Variants in TMCC1 observed in about 807,000 individuals in gnomAD.
TMCC1 encodes the protein transmembrane and coiled-coil domain family 1, also known as transmembrane and coiled-coil domains protein 1.
A neutral mutation model predicts 52.4 loss-of-function variants in TMCC1; 15 were observed. The ratio of observed to expected loss-of-function variants is 0.29; its 90% CI spans 0.19 to 0.44. The LOEUF is 0.44. Among genes scored for constraint, TMCC1 ranks in the 20% least tolerant of loss-of-function variants. The pLI is 1.00. For synonymous variants in TMCC1, 279 were observed against 301.9 expected (o/e 0.92, Z 0.79); for missense variants, 503 against 806.0 (o/e 0.62, Z 4.55).
At chr3:129,673,724 G>A (rs2088156857) in intron 4 of TMCC1, among the ~76,000 whole-genome samples, 1 of 152,114 alleles carries the variant, frequency 6.6e-6, no homozygotes, top group African/African-American at 2.4e-5. Context: ...GGTGGCACAT[G>A]CCTGGAGTCC....
chr3:129,782,243 C>A (rs2055593519), intron 4 of TMCC1, among the ~76,000 whole-genome samples: 3 of 151,858 alleles, frequency 2.0e-5, no homozygotes. Flanking sequence ...GATAAAATCA[C>A]CAAGAAAGCC....
chr3:129,772,159 G>A (rs1268690989), intron 4 of TMCC1, among the ~76,000 whole-genome samples: 1 of 152,084 alleles, frequency 6.6e-6, no homozygotes, highest in Non-Finnish European at 1.5e-5. Context: ...AGGAGTTTGA[G>A]ATCATCCTGG....
At chr3:129,892,093 A>T (rs1212495985) in intron 1 of TMCC1, among the ~76,000 whole-genome samples, 1 of 152,238 alleles carries the variant, frequency 6.6e-6, no homozygotes, top group Non-Finnish European at 1.5e-5. Flanking sequence ...TATACACAGT[A>T]CACAGCACCT....
chr3:129,737,747 T>G (rs1017370619), intron 4 of TMCC1, among the ~76,000 whole-genome samples: 1 of 152,118 alleles, frequency 6.6e-6, no homozygotes. Context: ...TCTCCAAAAT[T>G]TAAAGCCATT....
At chr3:129,746,302 T>C (rs1213936980) in intron 4 of TMCC1, among the ~76,000 whole-genome samples, 1 of 151,560 alleles carries the variant, frequency 6.6e-6, no homozygotes, top group Non-Finnish European at 1.5e-5. Context: ...TCCTGAGTAG[T>C]TGGGACTACA....
intron 1 of TMCC1, among the ~76,000 whole-genome samples, chr3:129,890,995 A>G (rs1453672374): frequency 6.6e-6 from 1 of 152,222 alleles, no homozygotes; most frequent in African/African-American, 2.4e-5. Flanking sequence ...AAAGACATAA[A>G]ATGTATTTAC....
At chr3:129,881,138 A>T (rs1243219058) in intron 1 of TMCC1, among the ~76,000 whole-genome samples, 1 of 152,194 alleles carries the variant, frequency 6.6e-6, no homozygotes, top group Non-Finnish European at 1.5e-5. Context: ...CTGGGATTAC[A>T]GGTGTGAGCC....
intron 4 of TMCC1, among the ~76,000 whole-genome samples, chr3:129,767,159 G>A (rs2054191637): frequency 6.6e-6 from 1 of 151,494 alleles, no homozygotes; most frequent in South Asian, 2.1e-4. Flanking sequence ...TCCTCAGGAG[G>A]CTGAGGCAAC....
chr3:129,843,230 C>T (rs1478463050), intron 2 of TMCC1, among the ~76,000 whole-genome samples: 2 of 151,934 alleles, frequency 1.3e-5, no homozygotes, highest in African/African-American at 4.8e-5. Context: ...GCCTGTAGTC[C>T]CAGCTACTCA....
intron 2 of TMCC1, among the ~76,000 whole-genome samples, chr3:129,865,012 A>C (rs2107942835): frequency 6.6e-6 from 1 of 152,330 alleles, no homozygotes; most frequent in African/African-American, 2.4e-5. Flanking sequence ...CAAAAGATAC[A>C]GGAGACTTTG....
chr3:129,867,244 T>C (rs552707145), intron 2 of TMCC1: 2 of 152,282 alleles, frequency 1.3e-5, no homozygotes, highest in South Asian at 4.1e-4. Flanking sequence ...CGGGCTAGTC[T>C]CACAAACACA....
At chr3:129,759,519 G>T (rs1348006779) in intron 4 of TMCC1, among the ~76,000 whole-genome samples, 1 of 150,486 alleles carries the variant, frequency 6.6e-6, no homozygotes, top group Non-Finnish European at 1.5e-5. Context: ...CCACCTACCT[G>T]AGCCTCCCCA....
intron 2 of TMCC1, among the ~76,000 whole-genome samples, chr3:129,840,227 T>C (rs1361623073): frequency 6.9e-6 from 1 of 145,654 alleles, no homozygotes; most frequent in Non-Finnish European, 1.5e-5. Flanking sequence ...CTTAGGACAT[T>C]GAGGTGGGAG....
chr3:129,765,221 AG>A (rs1051505641), intron 4 of TMCC1, among the ~76,000 whole-genome samples: 1 of 152,034 alleles, frequency 6.6e-6, no homozygotes, highest in African/African-American at 2.4e-5. Flanking sequence ...ATATTGAGCA[AG>A]GGTTTTAAGA....
intron 4 of TMCC1, among the ~76,000 whole-genome samples, chr3:129,786,096 T>A (rs946890374): frequency 1.3e-5 from 2 of 152,004 alleles, no homozygotes; most frequent in Non-Finnish European, 2.9e-5. Flanking sequence ...TGTGCCACCA[T>A]GCCTGGCTAA....
At chr3:129,798,295 G>A (rs947026592) in intron 4 of TMCC1, among the ~76,000 whole-genome samples, 2 of 151,816 alleles carry the variant, frequency 1.3e-5, no homozygotes, top group Non-Finnish European at 2.9e-5. Flanking sequence ...ATGCCCAGCC[G>A]CCTTTCTGGT....
At chr3:129,721,710 A>C (rs1162014374) in intron 4 of TMCC1, among the ~76,000 whole-genome samples, 2 of 150,570 alleles carry the variant, frequency 1.3e-5, no homozygotes, top group Non-Finnish European at 3.0e-5. Context: ...AATACAAAAA[A>C]AAAAAAAAAA....
intron 2 of TMCC1, among the ~76,000 whole-genome samples, chr3:129,864,126 A>C (rs972674680): frequency 6.6e-6 from 1 of 152,190 alleles, no homozygotes; most frequent in Non-Finnish European, 1.5e-5. Context: ...ACTTTTTACT[A>C]TATTTTCCCT....
At chr3:129,772,631 G>A (rs1402644404) in intron 4 of TMCC1, among the ~76,000 whole-genome samples, 2 of 150,608 alleles carry the variant, frequency 1.3e-5, no homozygotes, top group East Asian at 3.9e-4. Context: ...GCTGAGGCAG[G>A]AGAATGGGGT....
Sources: allele counts gnomAD v4.1 joint callset (sites outside exome capture counted in the v4.1 genomes callset), GRCh38; gene constraint gnomAD v4.1.1; transcripts MANE v1.5; gene names NCBI Gene and HGNC (gene_info 2026-07-23, HGNC 2026-07-21).